The following MAP4 variants were observed in gnomAD, a reference collection of about 807,000 sequenced individuals.
The protein encoded by MAP4 is microtubule associated protein 4.
MAP4 carries 76 observed loss-of-function variants against 170.2 expected under a neutral mutation model. The observed-to-expected ratio is 0.45, with a 90% CI of 0.37 to 0.54. The LOEUF (loss-of-function observed/expected upper bound fraction) is 0.54. MAP4 is among the 20% of genes least tolerant of loss of function. MAP4 has a pLI of 0.00. For synonymous variants in MAP4, 909 were observed against 994.5 expected (o/e 0.91, Z 1.62); for missense variants, 2,506 against 2,748.0 (o/e 0.91, Z 1.97).
chr3:47,910,630 A>T lies in MAP4; in HGVS notation c.3791T>A (p.Phe1264Tyr), dbSNP rs1321956197. ...GAACGAAGAATCATGCATTTTGGGG[A>T]AAGTAAATCCTATTTCCTTGCTTTT... ...PHKSKEIGFT[F>Y]PKMHDSSFSH... The change falls in exon 9 of 21, where the codon TTC becomes TAC. Residue 1264 changes from phenylalanine to tyrosine, a missense_variant. This residue lies in a region of MAP4 where 2,008 missense variants were observed against 2,206.0 expected (regional missense o/e 0.91). Transcript: ENST00000683076. The T allele has an allele frequency of 1.1e-5, 17 of 1,535,996 alleles. No individual in the cohort carries two copies. The highest frequency in any genetic ancestry group is 1.5e-5 in the Non-Finnish European group (17 of 1,146,916).
intron 1 of MAP4, among the ~76,000 whole-genome samples, chr3:47,999,701 G>A (rs2100098101): frequency 6.6e-6 from 1 of 152,158 alleles, no homozygotes; most frequent in Admixed American, 6.5e-5. Flanking sequence ...CCTGGAGGGT[G>A]GAGGGTGGGA....
intron 3 of MAP4, among the ~76,000 whole-genome samples, chr3:47,933,744 G>A (rs998593808): frequency 3.3e-5 from 5 of 152,062 alleles, no homozygotes; most frequent in Non-Finnish European, 5.9e-5. Flanking sequence ...GGGACTACAG[G>A]CGCCTGCCAC....
intron 3 of MAP4, among the ~76,000 whole-genome samples, chr3:47,932,382 T>C (rs1410833837): frequency 6.6e-6 from 1 of 152,240 alleles, no homozygotes; most frequent in Non-Finnish European, 1.5e-5. Context: ...AATGCTGCTA[T>C]GAACATTCAC....
intron 1 of MAP4, among the ~76,000 whole-genome samples, chr3:48,085,167 T>G (rs368258256): frequency 7.2e-4 from 90 of 125,794 alleles, no homozygotes; most frequent in African/African-American, 2.6e-3. Flanking sequence ...AAAAGCTACA[T>G]AGCAACTACT....
intron 12 of MAP4, among the ~76,000 whole-genome samples, chr3:47,873,002 C>T (rs1458036761): frequency 2.6e-5 from 4 of 152,134 alleles, no homozygotes; most frequent in African/African-American, 9.7e-5. Flanking sequence ...TGTAGCCCTA[C>T]TCCAGCAAAT....
At chr3:47,912,495 A>C in intron 8 of MAP4, 74 bp from the exon 9 acceptor site, 1 of 1,319,512 alleles carries the variant, frequency 7.6e-7, no homozygotes, top group African/African-American at 1.5e-5. Context: ...AAACAAAAAA[A>C]CCAGACCATA....
chr3:47,891,568 TGA>T, intron 10 of MAP4: 1 of 1,532,216 alleles, frequency 6.5e-7, no homozygotes, highest in African/African-American at 1.4e-5. Context: ...CTGGGGGAAC[TGA>T]GAGGTGAGAA....
At chr3:47,857,308 G>A in intron 18 of MAP4, 123 bp downstream of exon 18, 1 of 745,408 alleles carries the variant, frequency 1.3e-6, no homozygotes, top group Non-Finnish European at 2.4e-6. Context: ...GGTGTCCTGG[G>A]TAGTCTTCAT....
chr3:47,968,321 T>C (rs996371052), intron 3 of MAP4, among the ~76,000 whole-genome samples: 1 of 152,180 alleles, frequency 6.6e-6, no homozygotes, highest in African/African-American at 2.4e-5. Context: ...GAATATACAT[T>C]CTTCTTCAGG....
At chr3:47,863,999 T>TC (rs2074725935) in intron 17 of MAP4, among the ~76,000 whole-genome samples, 1 of 149,892 alleles carries the variant, frequency 6.7e-6, no homozygotes, top group East Asian at 1.9e-4. Flanking sequence ...CCCTTTTTTT[T>TC]CAGTGTCTCT....
chr3:47,894,652 G>A (rs988369333), intron 10 of MAP4, among the ~76,000 whole-genome samples: 2 of 151,962 alleles, frequency 1.3e-5, no homozygotes, highest in African/African-American at 4.8e-5. Flanking sequence ...ATACAACATA[G>A]TTGAATTCTT....
At chr3:48,059,154 T>C (rs1289084902) in intron 1 of MAP4, among the ~76,000 whole-genome samples, 3 of 152,080 alleles carry the variant, frequency 2.0e-5, no homozygotes, top group Non-Finnish European at 4.4e-5. Flanking sequence ...GTAAAAACAC[T>C]TTGTGATTGA....
chr3:47,933,526 C>T (rs974110856), intron 3 of MAP4, among the ~76,000 whole-genome samples: 1 of 151,984 alleles, frequency 6.6e-6, no homozygotes, highest in Admixed American at 6.6e-5. Flanking sequence ...CAGCCTCGAC[C>T]TCCCTGACTC....
chr3:47,881,466 AT>A (rs2096719719), intron 10 of MAP4, among the ~76,000 whole-genome samples: 3 of 51,518 alleles, frequency 5.8e-5, no homozygotes, highest in Non-Finnish European at 1.4e-4. Context: ...ATATATATAT[AT>A]ATATATATAT....
intron 17 of MAP4, among the ~76,000 whole-genome samples, chr3:47,859,592 C>T (rs958018024): frequency 2.6e-5 from 4 of 152,322 alleles, no homozygotes; most frequent in South Asian, 4.1e-4. Context: ...GCCTTCCATA[C>T]GGCCTCACAT....
chr3:48,063,404 TAA>T (rs35033632), intron 1 of MAP4, among the ~76,000 whole-genome samples: 35 of 136,060 alleles, frequency 2.6e-4, no homozygotes, highest in Admixed American at 3.0e-4. Context: ...ACCTGTGTCT[TAA>T]AAAAAAAAAA....
intron 1 of MAP4, among the ~76,000 whole-genome samples, chr3:48,054,993 G>C (rs1232193370): frequency 6.6e-6 from 1 of 152,090 alleles, no homozygotes; most frequent in Admixed American, 6.5e-5. Context: ...GGGGAGCCTA[G>C]ATTTCCAACC....
intron 1 of MAP4, among the ~76,000 whole-genome samples, chr3:48,034,393 C>T (rs1413078294): frequency 6.6e-6 from 1 of 152,062 alleles, no homozygotes; most frequent in Non-Finnish European, 1.5e-5. Context: ...ACAGCTCACA[C>T]ATTGACCATT....
chr3:47,988,123 G>A (rs1346401505), intron 2 of MAP4, among the ~76,000 whole-genome samples: 3 of 151,778 alleles, frequency 2.0e-5, no homozygotes, highest in African/African-American at 2.4e-5. Flanking sequence ...GAACCCGGGA[G>A]GCGGAGCTTG....
Sources: gnomAD v4.1 joint callset for allele counts (sites outside exome capture counted in the v4.1 genomes callset) on GRCh38, gnomAD v4.1.1 for gene constraint, gnomAD v4.1.1 regional missense constraint, MANE v1.5 for transcripts, NCBI Gene and HGNC (gene_info 2026-07-23, HGNC 2026-07-21) for gene names.